The following TNNI3K variants were observed in gnomAD, a reference collection of about 807,000 sequenced individuals.
The protein encoded by TNNI3K is TNNI3 interacting kinase, also known as serine/threonine-protein kinase TNNI3K.
Under a neutral mutation model 114.5 loss-of-function variants are expected in TNNI3K, and 140 were observed. The ratio of observed to expected loss-of-function variants is 1.22; its 90% CI spans 1.07 to 1.41. The LOEUF (loss-of-function observed/expected upper bound fraction) is 1.41. Ranked by LOEUF, TNNI3K falls within the 40% of genes most tolerant of loss-of-function variation. The pLI is 0.00. For synonymous variants in TNNI3K, 347 were observed against 347.5 expected, an observed-to-expected ratio of 1.00 and a Z score of 0.02; for missense variants, 1,125 against 1,007.6, an observed-to-expected ratio of 1.12 and a Z score of -1.58.
intron 2 of TNNI3K, among the ~76,000 whole-genome samples, chr1:74,239,135 AAG>A (rs2100825381): frequency 6.6e-6 from 1 of 152,232 alleles, no homozygotes; most frequent in South Asian, 2.1e-4. Flanking sequence ...GTGTGGTCTA[AAG>A]AGAGTCAAGA....
intron 17 of TNNI3K, among the ~76,000 whole-genome samples, chr1:74,399,306 T>C (rs776311556): frequency 7.2e-5 from 11 of 152,146 alleles, no homozygotes; most frequent in Non-Finnish European, 1.2e-4. Context: ...CTCCCGTATT[T>C]AGGTAGGACT....
chr1:74,530,001 G>A (rs1427953604), intron 23 of TNNI3K, among the ~76,000 whole-genome samples: 1 of 151,990 alleles, frequency 6.6e-6, no homozygotes, highest in Non-Finnish European at 1.5e-5. Context: ...GTCTTAATCT[G>A]TCACCCAGCC....
At chr1:74,403,192 G>T (rs753393876) in intron 17 of TNNI3K, among the ~76,000 whole-genome samples, 1 of 151,980 alleles carries the variant, frequency 6.6e-6, no homozygotes, top group South Asian at 2.1e-4. Flanking sequence ...ACATCTCCTG[G>T]TTTCATTCTC....
chr1:74,426,654 T>C (rs1238973934), intron 17 of TNNI3K, among the ~76,000 whole-genome samples: 2 of 152,144 alleles, frequency 1.3e-5, no homozygotes, highest in Admixed American at 1.3e-4. Context: ...CACCTCCCCA[T>C]TAGTGTCTAG....
rs200285470 is a variant in TNNI3K, at chr1:74,295,176, TTA to T, written c.444+23470_444+23471del. Reference sequence around the variant, plus strand: ...TTTCAAACATTTTGACAGTTACTAATTATTTTTTTACTTTGATTTGCAGTATA... The same window carrying T: ...TTTCAAACATTTTGACAGTTACTAATTTTTTTTACTTTGATTTGCAGTATA... On this transcript the variant is annotated intron_variant, in intron 5 of 24. Transcript: ENST00000326637. Among the ~76,000 whole-genome samples, 11 of 3,080 alleles carry T rather than the reference TTA, an allele frequency of 3.6e-3. No homozygotes were observed. In the South Asian group the frequency reaches 0.14, roughly 38 times the overall value. The allele number at this position is 3,080 out of a possible 152,430, so 2.0% of individuals were successfully genotyped here.
intron 23 of TNNI3K, among the ~76,000 whole-genome samples, chr1:74,503,225 C>T (rs1347253989): frequency 6.6e-6 from 1 of 152,104 alleles, no homozygotes; most frequent in Non-Finnish European, 1.5e-5. Context: ...AGAAAAAGAC[C>T]ACTCTTTCTC....
intron 17 of TNNI3K, among the ~76,000 whole-genome samples, chr1:74,389,235 A>G (rs953645489): frequency 6.6e-5 from 10 of 152,224 alleles, no homozygotes; most frequent in African/African-American, 1.4e-4. Context: ...AAGATTACAG[A>G]TTTATGGTAG....
At chr1:74,475,326 T>C in intron 21 of TNNI3K, 1 of 704,030 alleles carries the variant, frequency 1.4e-6, no homozygotes, top group East Asian at 2.7e-5. Context: ...GTTGCAGAGT[T>C]TGAGGCTGGA....
chr1:74,235,958 A>G (rs959768095), intron 1 of TNNI3K, 144 bp from the exon 2 acceptor site: 9 of 528,488 alleles, frequency 1.7e-5, no homozygotes, highest in Non-Finnish European at 2.9e-5. Context: ...AAACATCTGC[A>G]TTTTAAACAC....
chr1:74,295,440 G>T (rs935973944), intron 5 of TNNI3K, among the ~76,000 whole-genome samples: 1 of 152,028 alleles, frequency 6.6e-6, no homozygotes. Context: ...GTTAATAAAA[G>T]AGTTGCTTTA....
intron 4 of TNNI3K, among the ~76,000 whole-genome samples, chr1:74,257,369 G>T (rs935500423): frequency 4.6e-5 from 7 of 152,014 alleles, no homozygotes; most frequent in Non-Finnish European, 1.0e-4. Context: ...TCAACATCTA[G>T]ATTAGCTCAG....
chr1:74,331,530 G>C lies in TNNI3K; in HGVS notation c.525G>C (p.Ala175=). 1 of 1,612,696 alleles carries C rather than the reference G, an allele frequency of 6.2e-7. No individual in the cohort carries two copies. The highest frequency in any genetic ancestry group is 8.5e-7 in the Non-Finnish European group (1 of 1,179,156). The change falls in exon 6 of 25, where the codon GCG becomes GCC. Residue 175 remains alanine, a synonymous_variant. Coordinates refer to ENST00000326637, the MANE Select transcript of TNNI3K (RefSeq NM_015978.3). ...TTTTCACTCCATTGCATATTGCAGC[G>C]TACTATGGACATGAACAGGTAAGTC... ...AVFFTPLHIA[A]YYGHEQVTRL...
At chr1:74,312,169 CGGG>C (rs1659031963) in intron 5 of TNNI3K, among the ~76,000 whole-genome samples, 1 of 152,096 alleles carries the variant, frequency 6.6e-6, no homozygotes, top group South Asian at 2.1e-4. Flanking sequence ...GAAAGAAAGT[CGGG>C]GGGAGATACA....
At chr1:74,358,574 T>G (rs943276410) in intron 11 of TNNI3K, among the ~76,000 whole-genome samples, 3 of 152,012 alleles carry the variant, frequency 2.0e-5, no homozygotes, top group Non-Finnish European at 2.9e-5. Context: ...TTTGATAAAT[T>G]TTCACCAATA....
chr1:74,507,221 T>TCCCC (rs145167420), intron 23 of TNNI3K, among the ~76,000 whole-genome samples: 20 of 85,916 alleles, frequency 2.3e-4, no homozygotes, highest in Admixed American at 1.1e-3. Flanking sequence ...TTAAATTTCT[T>TCCCC]CACCCCCCCC....
intron 5 of TNNI3K, among the ~76,000 whole-genome samples, chr1:74,280,416 A>G (rs78201356): frequency 0.014 from 2,136 of 152,144 alleles, 51 homozygotes; most frequent in African/African-American, 0.049. Context: ...AAAGGAAAGA[A>G]GCACTGAAGA....
intron 5 of TNNI3K, among the ~76,000 whole-genome samples, chr1:74,297,635 G>A (rs967024142): frequency 1.3e-5 from 2 of 151,980 alleles, no homozygotes; most frequent in Non-Finnish European, 2.9e-5. Context: ...TGTGAATAAT[G>A]TGCAATGAGC....
intron 23 of TNNI3K, among the ~76,000 whole-genome samples, chr1:74,518,635 G>A (rs1300483039): frequency 6.6e-6 from 1 of 152,096 alleles, no homozygotes; most frequent in African/African-American, 2.4e-5. Flanking sequence ...CACTGTCAGT[G>A]CAGAGGCTTC....
intron 9 of TNNI3K, among the ~76,000 whole-genome samples, chr1:74,348,716 C>G (rs1361417327): frequency 6.6e-6 from 1 of 152,096 alleles, no homozygotes; most frequent in Non-Finnish European, 1.5e-5. Flanking sequence ...TCCTTCACAT[C>G]CCTTGTAAGT....
Sources: allele counts gnomAD v4.1 joint callset (sites outside exome capture counted in the v4.1 genomes callset), GRCh38; gene constraint gnomAD v4.1.1; transcripts MANE v1.5; gene names NCBI Gene and HGNC (gene_info 2026-07-23, HGNC 2026-07-21).